The following RC3H1 variants were observed in gnomAD, a reference collection of about 807,000 sequenced individuals.
RC3H1 encodes the protein ring finger and CCCH-type domains 1, also known as roquin-1.
In RC3H1, 50 loss-of-function variants were observed where a neutral mutation model predicts 138.2. The observed-to-expected ratio is 0.36, with a 90% CI of 0.29 to 0.46. The LOEUF (loss-of-function observed/expected upper bound fraction) is 0.46, where lower values mean the gene tolerates loss of function less well. Ranked by LOEUF, RC3H1 falls within the 20% of genes least tolerant of loss-of-function variation. The pLI is 1.00. For synonymous variants in RC3H1, 462 were observed against 489.1 expected, an observed-to-expected ratio of 0.94 and a Z score of 0.73; for missense variants, 1,031 against 1,388.1, an observed-to-expected ratio of 0.74 and a Z score of 4.09.
chr1:173,969,319 AC>A (rs1280051919), intron 9 of RC3H1: 1 of 150,292 alleles, frequency 6.7e-6, no homozygotes, highest in Non-Finnish European at 1.5e-5. Flanking sequence ...AAAAAAAAAA[AC>A]CTACAGCACC....
chr1:173,971,115 C>T (rs1226081164), intron 8 of RC3H1, among the ~76,000 whole-genome samples: 1 of 151,946 alleles, frequency 6.6e-6, no homozygotes. Flanking sequence ...GTGTCCACCA[C>T]CGCACCTGGC....
rs1410060955 is a variant in RC3H1 at position 173,933,176 on chromosome 1, T to C, written c.*5545A>G. 6.6e-6 allele frequency: 1 copy of C among 152,116 alleles called. No individual in the cohort carries two copies. Among genetic ancestry groups the C allele is most frequent in the Non-Finnish European group, 1.5e-5 (1 of 67,974 alleles). The allele number at this position is 152,116 out of a possible 1,614,324, so 9.4% of individuals were successfully genotyped here. A position where few individuals can be genotyped will look rare whatever the true frequency, so the allele number is the denominator to read the frequency against. On this transcript the variant is annotated 3_prime_UTR_variant, in exon 20 of 20. Transcript: ENST00000367696. The stretch of plus-strand genomic sequence containing the variant: ...TTCCCCCTTATTGTGCCTTATTTTC[T>C]TGTGAAAATAAAGTTCGTTCTCTAG...
At chr1:174,004,917 G>A (rs891339984) in intron 1 of RC3H1, among the ~76,000 whole-genome samples, 13 of 151,874 alleles carry the variant, frequency 8.6e-5, no homozygotes, top group African/African-American at 2.7e-4. Flanking sequence ...TTTTTAGAGG[G>A]GGGTGGGCAG....
chr1:174,003,753 C>T lies in RC3H1; in HGVS notation c.-150-10618G>A, dbSNP rs375611714. Among the ~76,000 whole-genome samples, 27 of 151,756 alleles carry T rather than the reference C, an allele frequency of 1.8e-4. No homozygotes were observed. The East Asian group carries it at 4.7e-3, about 26-fold the overall frequency. On this transcript the variant is annotated intron_variant, in intron 1 of 19. Transcript: ENST00000367696. ...TCAGCTCACTGCAAGCTCCACCTCG[C>T]GGGTTTCACGCCATTCTCCTGCCTC...
chr1:173,975,480 G>A (rs1571211390), intron 7 of RC3H1, among the ~76,000 whole-genome samples: 1 of 151,966 alleles, frequency 6.6e-6, no homozygotes, highest in Non-Finnish European at 1.5e-5. Context: ...ATTGTAATAC[G>A]TACTACTTTA....
rs1282407376 is a variant in RC3H1 at position 174,002,211 on chromosome 1, C to A, written c.-150-9076G>T. On this transcript the variant is annotated intron_variant, in intron 1 of 19. Coordinates refer to ENST00000367696, the MANE Select transcript of RC3H1 (RefSeq NM_172071.4). ...AACAAGACTAAACAGTTTTCCAGGT[C>A]ATCTTTTGAAATCAGTCCTCTTGCT... is the stretch of plus-strand genomic sequence containing the variant. Among the ~76,000 whole-genome samples the A allele has an allele frequency of 2.6e-5, 4 of 152,248 alleles. No homozygotes were observed. In the South Asian group the frequency reaches 8.3e-4, roughly 32 times the overall value.
intron 18 of RC3H1, among the ~76,000 whole-genome samples, chr1:173,941,889 C>A (rs1232527203): frequency 2.7e-5 from 4 of 150,714 alleles, no homozygotes; most frequent in Admixed American, 1.3e-4. Flanking sequence ...TGAGATTGCA[C>A]CACTGCACTC....
chr1:173,964,937 C>A lies in RC3H1; in HGVS notation c.1518G>T (p.Gln506His). ...TGGGGTCTGTCCCTCGCGGAATAAG[C>A]TGTGTTACTGTATTCCCTGTTGATA... ...GIVSTGNTVT[Q>H]LIPRGTDPSY... Residue 506 changes from glutamine to histidine, a missense_variant, in exon 10 of 20, where the codon CAG becomes CAT. Transcript: ENST00000367696. The A allele has an allele frequency of 6.2e-7, 1 of 1,614,078 alleles. No homozygotes were observed.
intron 13 of RC3H1, among the ~76,000 whole-genome samples, chr1:173,955,619 A>T (rs941981134): frequency 2.0e-5 from 3 of 151,332 alleles, no homozygotes; most frequent in African/African-American, 7.3e-5. Flanking sequence ...GCGCCCGGCC[A>T]ATTTATAAAG....
At position 173,961,496 on chromosome 1, in the gene RC3H1, C is replaced by T. The variant is rs549626008; in HGVS notation, c.2202+229G>A. On this transcript the variant is annotated intron_variant, in intron 12 of 19. Coordinates refer to ENST00000367696, the MANE Select transcript of RC3H1 (RefSeq NM_172071.4). Reference sequence around the variant, plus strand: ...GATCTAGAATTGTTAATTAAACCATCTAAAGTTCAGAAACTAAGAAAGGTT... The same window carrying T: ...GATCTAGAATTGTTAATTAAACCATTTAAAGTTCAGAAACTAAGAAAGGTT... Among the ~76,000 whole-genome samples the T allele has an allele frequency of 9.3e-5, 14 of 151,086 alleles. No individual in the cohort carries two copies. In the East Asian group the frequency reaches 2.7e-3, roughly 29 times the overall value.
Position 173,961,740 on chromosome 1 carries a change from T to A in RC3H1, c.2187A>T (p.Arg729Ser). The change falls in exon 12 of 20, where the codon AGA (arginine) becomes AGT (serine). Residue 729 changes from arginine to serine, a missense_variant. Transcript: ENST00000367696. ...TACAGCATACTCTGAGGTACGAAGG[T>A]CTGATCTGAGTTGGATGAGGAGCCA... Reference protein sequence around the residue: ...YPVAPHPTQIRPSYLREPPYS... With the variant: ...YPVAPHPTQISPSYLREPPYS... 6 of 1,611,930 alleles carry A rather than the reference T, an allele frequency of 3.7e-6. No homozygotes were observed. Among genetic ancestry groups the A allele is most frequent in the Non-Finnish European group, 4.2e-6 (5 of 1,179,598 alleles).
In RC3H1 at chr1:173,938,789, C is replaced by T. The variant is rs774947144; in HGVS notation, c.3334G>A (p.Asp1112Asn). Residue 1112 changes from aspartate to asparagine, a missense_variant, in exon 20 of 20, where the codon GAC becomes AAC. Physicochemically the swap from Asp to Asn is conservative, Grantham distance 23. This residue lies in a region of RC3H1 where 716 missense variants were observed against 837.9 expected (regional missense o/e 0.85). Transcript: ENST00000367696. ...TTATTATCCCCTCCTCCCTCAGGGT[C>T]CTCTGACAGGTTCAGAGAGCTGGTC... is the stretch of plus-strand genomic sequence containing the variant. Reference protein sequence around the residue: ...NKTSSLNLSEDPEGGGDNNDS... With the variant: ...NKTSSLNLSENPEGGGDNNDS... The T allele has an allele frequency of 5.0e-6, 8 of 1,612,916 alleles. No individual in the cohort carries two copies. The highest frequency in any genetic ancestry group is 6.8e-6 in the Non-Finnish European group (8 of 1,178,962).
In RC3H1 at chr1:173,961,763, C is replaced by A. The variant is rs1157332907; in HGVS notation, c.2164G>T (p.Ala722Ser). Residue 722 changes from alanine (A) to serine (S), a missense_variant, in exon 12 of 20, where the codon GCT (alanine) becomes TCT (serine). Around this residue, in one of 7 missense-constraint regions of RC3H1, gnomAD observed 716 missense variants for 837.9 expected, o/e 0.85. Transcript: ENST00000367696. ...YQQIESYYPV[A>S]PHPTQIRPSY... The stretch of plus-strand genomic sequence containing the variant: ...GGTCTGATCTGAGTTGGATGAGGAG[C>A]CACTGGATAGTAACTCTCGATCTGT... 6.2e-7 allele frequency: 1 copy of A among 1,612,652 alleles called. No individual in the cohort carries two copies. The highest frequency in any genetic ancestry group is 2.2e-5 in the East Asian group (1 of 44,874).
In RC3H1 at chr1:173,984,528, A is replaced by T. The variant is rs1469811566; in HGVS notation, c.323T>A (p.Leu108Ter). ...AGCACTGCTGAGCGGTTTTAAGTACAATGCTAATTCTTCTACACATTTCTT... is the reference window on the plus strand; with the variant it reads ...AGCACTGCTGAGCGGTTTTAAGTACTATGCTAATTCTTCTACACATTTCTT... The part of the protein sequence containing the change: ...EAKKCVEELA[L>*]YLKPLSSARG... The change falls in exon 3 of 20, where the codon TTG becomes TAG. Residue 108 changes from leucine (L) to a stop codon, truncating the protein, a stop_gained. Transcript: ENST00000367696. LOFTEE classifies it high-confidence loss of function. The T allele has an allele frequency of 6.2e-7, 1 of 1,613,810 alleles. No individual in the cohort carries two copies. Among genetic ancestry groups the T allele is most frequent in the Non-Finnish European group, 8.5e-7 (1 of 1,179,918 alleles).
chr1:173,954,813 A>G (rs2102900612), intron 13 of RC3H1, among the ~76,000 whole-genome samples: 1 of 152,324 alleles, frequency 6.6e-6, no homozygotes, highest in Non-Finnish European at 1.5e-5. Context: ...AAGAAAACAG[A>G]AACATTTAAA....
chr1:173,947,349 CT>C lies in RC3H1; in HGVS notation c.2737+19del. On this transcript the variant is annotated intron_variant, in intron 15 of 19. Coordinates refer to ENST00000367696, the MANE Select transcript of RC3H1 (RefSeq NM_172071.4). ...CAAGATTATGAACCCTTTAGGTCAG[CT>C]TACCTCTGAGATTCTTACCTGAAAT... 1 of 1,560,600 alleles carries C rather than the reference CT, an allele frequency of 6.4e-7. No individual in the cohort carries two copies. The highest frequency in any genetic ancestry group is 8.8e-7 in the Non-Finnish European group (1 of 1,131,632).
chr1:173,943,239 T>A (rs1658983424), intron 18 of RC3H1, among the ~76,000 whole-genome samples: 1 of 152,138 alleles, frequency 6.6e-6, no homozygotes, highest in African/African-American at 2.4e-5. Context: ...CGAAGAATTA[T>A]AAGACAAAGA....
Position 173,970,528 on chromosome 1 carries a change from T to C in RC3H1, c.1311A>G (p.Ala437=). ...ACTTTTCCAGTTCCTCCTGTGAGTG[T>C]GCAAATGTACAGCTGGCCCCACGAG... The part of the protein sequence containing the change: ...GCPRGASCTF[A]HSQEELEKFR... The change falls in exon 9 of 20, where the codon GCA becomes GCG. Residue 437 remains alanine (A), a synonymous_variant. Transcript: ENST00000367696. 6.2e-7 allele frequency: 1 copy of C among 1,613,486 alleles called. No individual in the cohort carries two copies. The highest frequency in any genetic ancestry group is 8.5e-7 in the Non-Finnish European group (1 of 1,179,470).
At chr1:173,943,159 A>G (rs1398670077) in intron 18 of RC3H1, among the ~76,000 whole-genome samples, 1 of 152,222 alleles carries the variant, frequency 6.6e-6, no homozygotes, top group Admixed American at 6.5e-5. Context: ...TATGCTAAAC[A>G]GAAATTTAAG....
Sources: gnomAD v4.1 joint callset for allele counts (sites outside exome capture counted in the v4.1 genomes callset) on GRCh38, gnomAD v4.1.1 for gene constraint, gnomAD v4.1.1 regional missense constraint, MANE v1.5 for transcripts, NCBI Gene and HGNC (gene_info 2026-07-23, HGNC 2026-07-21) for gene names.